The following ADAM23 variants were observed in gnomAD, a reference collection of about 807,000 sequenced individuals.
ADAM23 encodes the protein ADAM metallopeptidase domain 23.
In ADAM23, 33 loss-of-function variants were observed where a neutral mutation model predicts 120.1. The ratio of observed to expected loss-of-function variants is 0.27; its 90% CI spans 0.21 to 0.37. The LOEUF is 0.37. Ranked by LOEUF, ADAM23 falls within the 10% of genes least tolerant of loss-of-function variation. The pLI is 1.00. For synonymous variants in ADAM23, 367 were observed against 375.2 expected, an observed-to-expected ratio of 0.98 and a Z score of 0.25; for missense variants, 862 against 1,058.2, an observed-to-expected ratio of 0.81 and a Z score of 2.57.
At chr2:206,475,697 G>A (rs912116691) in intron 2 of ADAM23, among the ~76,000 whole-genome samples, 7 of 151,698 alleles carry the variant, frequency 4.6e-5, no homozygotes, top group African/African-American at 1.7e-4. Flanking sequence ...TCAAATTAGC[G>A]AATTTTCCTC....
chr2:206,609,173 A>G (rs1163144591), intron 24 of ADAM23, among the ~76,000 whole-genome samples: 1 of 152,090 alleles, frequency 6.6e-6, no homozygotes, highest in Non-Finnish European at 1.5e-5. Flanking sequence ...CTGCTTTTTT[A>G]TATCTCTAAG....
At chr2:206,557,689 C>T (rs939447617) in intron 10 of ADAM23, among the ~76,000 whole-genome samples, 191 bp downstream of exon 10, 12 of 152,138 alleles carry the variant, frequency 7.9e-5, no homozygotes, top group East Asian at 1.9e-4. Flanking sequence ...GAGTTATTCC[C>T]GGAATCCCAA....
At chr2:206,559,283 C>T (rs1318813548) in intron 10 of ADAM23, among the ~76,000 whole-genome samples, 1 of 152,156 alleles carries the variant, frequency 6.6e-6, no homozygotes, top group African/African-American at 2.4e-5. Flanking sequence ...GGCAAAATGA[C>T]AGCATTCATT....
intron 2 of ADAM23, among the ~76,000 whole-genome samples, chr2:206,472,623 A>AC (rs1386096648): frequency 6.6e-6 from 1 of 151,286 alleles, no homozygotes; most frequent in African/African-American, 2.4e-5. Context: ...GGGAAAAAAA[A>AC]AAAAAGAGTA....
rs909198595 is a variant in ADAM23, at chr2:206,524,082, G to T, written c.510-6803G>T. Among the ~76,000 whole-genome samples the T allele has an allele frequency of 3.9e-5, 6 of 152,076 alleles. No homozygotes were observed. In the East Asian group the frequency reaches 1.2e-3, roughly 29 times the overall value. The stretch of plus-strand genomic sequence containing the variant: ...GTGTGATTAGGGCTCCCAGTACTGA[G>T]AACTTAAGTACTTTCAAGCAGCAGA... On this transcript the variant is annotated intron_variant, in intron 3 of 25. Coordinates refer to ENST00000264377, the MANE Select transcript of ADAM23 (RefSeq NM_003812.4).
intron 2 of ADAM23, among the ~76,000 whole-genome samples, chr2:206,463,049 G>T (rs1695458434): frequency 6.6e-6 from 1 of 152,308 alleles, no homozygotes; most frequent in East Asian, 1.9e-4. Flanking sequence ...TTGCAGGGAT[G>T]CAAGTAGATT....
At chr2:206,451,061 A>G (rs1324426625) in intron 2 of ADAM23, among the ~76,000 whole-genome samples, 2 of 152,168 alleles carry the variant, frequency 1.3e-5, no homozygotes, top group Non-Finnish European at 2.9e-5. Context: ...GTCAAAGAAA[A>G]CCTCATAGAG....
intron 3 of ADAM23, among the ~76,000 whole-genome samples, chr2:206,493,573 A>G (rs995638855): frequency 3.3e-5 from 5 of 152,156 alleles, no homozygotes; most frequent in Non-Finnish European, 7.4e-5. Context: ...GTGTTTTGCC[A>G]TGTTGGCCAG....
rs190735905 is a variant in ADAM23 at position 206,500,130 on chromosome 2, C to T, written c.509+18822C>T. ...GAAAATTCTTTCTTCCTATAAGGCCCAGAATATAAGGCTAGCTTAATGCCT... is the reference window on the plus strand; with the variant it reads ...GAAAATTCTTTCTTCCTATAAGGCCTAGAATATAAGGCTAGCTTAATGCCT... On this transcript the variant is annotated intron_variant, in intron 3 of 25. Coordinates refer to ENST00000264377, the MANE Select transcript of ADAM23 (RefSeq NM_003812.4). 5.9e-4 allele frequency among the ~76,000 whole-genome samples: 89 copies of T among 152,086 alleles called. 1 individual carries two copies. The highest frequency in any genetic ancestry group is 2.1e-3 in the African/African-American group (88 of 41,506).
intron 18 of ADAM23, among the ~76,000 whole-genome samples, chr2:206,574,055 A>G (rs1017404486): frequency 2.0e-5 from 3 of 152,168 alleles, no homozygotes; most frequent in Non-Finnish European, 2.9e-5. Flanking sequence ...CACCAACCAA[A>G]TATAAACTGG....
At chr2:206,533,930 C>G (rs1405961953) in intron 4 of ADAM23, among the ~76,000 whole-genome samples, 1 of 152,164 alleles carries the variant, frequency 6.6e-6, no homozygotes. Context: ...GTTTAAGTTC[C>G]TACCAGTGCT....
chr2:206,566,151 G>A (rs1313829294), intron 14 of ADAM23, among the ~76,000 whole-genome samples: 8 of 149,758 alleles, frequency 5.3e-5, no homozygotes, highest in Non-Finnish European at 1.2e-4. Flanking sequence ...AATCTCTGAA[G>A]TTTTTACAAT....
At chr2:206,491,825 G>C (rs1696140782) in intron 3 of ADAM23, among the ~76,000 whole-genome samples, 1 of 152,154 alleles carries the variant, frequency 6.6e-6, no homozygotes, top group Non-Finnish European at 1.5e-5. Context: ...TGATGTAGTA[G>C]GGCATTCAAT....
intron 24 of ADAM23, among the ~76,000 whole-genome samples, chr2:206,608,445 C>A (rs1263881483): frequency 1.3e-5 from 2 of 152,126 alleles, no homozygotes; most frequent in Admixed American, 6.6e-5. Context: ...TCATAGTTCC[C>A]ACCTCATACG....
chr2:206,569,860 C>A (rs1697961612), intron 15 of ADAM23, among the ~76,000 whole-genome samples: 1 of 152,102 alleles, frequency 6.6e-6, no homozygotes, highest in African/African-American at 2.4e-5. Context: ...GGCAGCGCTT[C>A]CTTGAGGTGT....
At position 206,520,946 on chromosome 2, in the gene ADAM23, T is replaced by TAGGC. The variant is rs556267721; in HGVS notation, c.510-9938_510-9935dup. On this transcript the variant is annotated intron_variant, in intron 3 of 25. Transcript: ENST00000264377. ...ACTGGACTTTTAGCTTTTCCCTGAA[T>TAGGC]AGGCCTCTTTGCCTTTTCCTGTTTC... is the stretch of plus-strand genomic sequence containing the variant. Among the ~76,000 whole-genome samples the TAGGC allele has an allele frequency of 3.4e-3, 519 of 152,206 alleles. 3 individuals are homozygous for TAGGC. Among genetic ancestry groups the TAGGC allele is most frequent in the African/African-American group, 0.012 (487 of 41,530 alleles).
intron 20 of ADAM23, among the ~76,000 whole-genome samples, chr2:206,588,445 G>A (rs1698364286): frequency 6.6e-6 from 1 of 152,194 alleles, no homozygotes; most frequent in African/African-American, 2.4e-5. Context: ...TGATTATCCA[G>A]CCACTTGTGT....
At position 206,573,105 on chromosome 2, in the gene ADAM23, T is replaced by C; in HGVS notation, c.1657-10T>C. On this transcript the variant is annotated splice_polypyrimidine_tract_variant and intron_variant, in intron 17 of 25. Coordinates refer to ENST00000264377, the MANE Select transcript of ADAM23 (RefSeq NM_003812.4). ...AATGCTAACTCTTAATATTGAATTT[T>C]GATTTGCAGTTTCAGCCACGAGGGT... The C allele has an allele frequency of 2.5e-6, 4 of 1,613,796 alleles. No individual in the cohort carries two copies. Among genetic ancestry groups the C allele is most frequent in the Non-Finnish European group, 3.4e-6 (4 of 1,179,688 alleles).
chr2:206,592,912 A>G (rs562337645), intron 22 of ADAM23, among the ~76,000 whole-genome samples, 176 bp downstream of exon 22: 5 of 152,210 alleles, frequency 3.3e-5, no homozygotes, highest in African/African-American at 7.2e-5. Flanking sequence ...ACAAAGTTGT[A>G]TATTGACTTG....
Sources: allele counts gnomAD v4.1 joint callset (sites outside exome capture counted in the v4.1 genomes callset), GRCh38; gene constraint gnomAD v4.1.1; transcripts MANE v1.5; gene names NCBI Gene and HGNC (gene_info 2026-07-23, HGNC 2026-07-21).